The following KALRN variants were observed in gnomAD, a reference collection of about 807,000 sequenced individuals.
The protein encoded by KALRN is kalirin.
Under a neutral mutation model 353.7 loss-of-function variants are expected in KALRN, and 70 were observed. The observed-to-expected ratio is 0.20, with a 90% CI of 0.16 to 0.24. The LOEUF (loss-of-function observed/expected upper bound fraction) is 0.24. KALRN is among the 10% of genes least tolerant of loss of function. KALRN has a pLI of 1.00. For missense variants in KALRN, 2,791 were observed against 3,756.7 expected (o/e 0.74, Z 6.72); for synonymous variants, 1,391 against 1,434.8 (o/e 0.97, Z 0.69).
In KALRN at chr3:124,227,663, GTTTTTTTTTTTTTTTT is replaced by G. The variant is rs747087120; in HGVS notation, c.74-300_74-285del. 4.0e-3 allele frequency among the ~76,000 whole-genome samples: 277 copies of G among 69,174 alleles called. 1 individual carries two copies. The highest frequency in any genetic ancestry group is 5.2e-3 in the Non-Finnish European group (178 of 34,438). The allele number at this position is 69,174 out of a possible 152,430, so 45.4% of individuals were successfully genotyped here. ...CAAGTTGCTCAATAGCAACAGGGCTGTTTTTTTTTTTTTTTTTTTTTTTTTTTTTTTTTTTTTTTTT... is the reference window on the plus strand; with the variant it reads ...CAAGTTGCTCAATAGCAACAGGGCTGTTTTTTTTTTTTTTTTTTTTTTTTT... On this transcript the variant is annotated intron_variant, in intron 1 of 59. Coordinates refer to ENST00000682506, the MANE Select transcript of KALRN (RefSeq NM_001388419.1).
At chr3:124,046,589 C>A (rs1483458343) in intron 1 of KALRN, among the ~76,000 whole-genome samples, 1 of 152,154 alleles carries the variant, frequency 6.6e-6, no homozygotes, top group East Asian at 1.9e-4. Context: ...ATGTCTGGTT[C>A]TGACTCTTGC....
chr3:124,399,390 A>C, intron 13 of KALRN, among the ~76,000 whole-genome samples: 1 of 152,150 alleles, frequency 6.6e-6, no homozygotes, highest in East Asian at 1.9e-4. Flanking sequence ...CGCCTGCCTC[A>C]GCCTTCCAAA....
chr3:124,671,927 T>C, intron 48 of KALRN, 29 bp downstream of exon 48: 2 of 1,490,804 alleles, frequency 1.3e-6, no homozygotes, highest in Non-Finnish European at 1.9e-6. Flanking sequence ...CTCCCACCCT[T>C]GTCACTACGA....
intron 36 of KALRN, 122 bp downstream of exon 36, chr3:124,634,075 T>C (rs1488757710): frequency 4.2e-6 from 3 of 719,380 alleles, no homozygotes; most frequent in African/African-American, 1.8e-5. Context: ...CATGAATCCA[T>C]GTTGATACCA....
chr3:124,674,308 C>G, intron 48 of KALRN, 56 bp from the exon 49 acceptor site: 2 of 1,563,596 alleles, frequency 1.3e-6, no homozygotes, highest in Non-Finnish European at 1.7e-6. Context: ...GCAGAGCAAG[C>G]CCATGTGAAC....
At chr3:124,425,999 G>A (rs961158352) in intron 15 of KALRN, among the ~76,000 whole-genome samples, 2 of 152,220 alleles carry the variant, frequency 1.3e-5, no homozygotes, top group African/African-American at 4.8e-5. Context: ...CCGTGGGACT[G>A]TCGTTCAAGA....
chr3:124,401,956 C>T (rs1007185286), intron 13 of KALRN, among the ~76,000 whole-genome samples: 9 of 152,072 alleles, frequency 5.9e-5, no homozygotes, highest in Non-Finnish European at 1.0e-4. Context: ...TAACGAGAGG[C>T]GTGTTTATGC....
chr3:124,373,076 T>A (rs1270846169), intron 10 of KALRN, among the ~76,000 whole-genome samples: 1 of 152,090 alleles, frequency 6.6e-6, no homozygotes, highest in East Asian at 1.9e-4. Context: ...TTATCCCTCA[T>A]ACCCCTTGGC....
At chr3:124,383,518 C>T (rs1286112580) in intron 10 of KALRN, among the ~76,000 whole-genome samples, 2 of 152,146 alleles carry the variant, frequency 1.3e-5, no homozygotes, top group Non-Finnish European at 2.9e-5. Flanking sequence ...GATACATCTC[C>T]CAGTTTCTTC....
chr3:124,109,487 A>G (rs1229231100), intron 1 of KALRN, among the ~76,000 whole-genome samples: 1 of 152,028 alleles, frequency 6.6e-6, no homozygotes, highest in Non-Finnish European at 1.5e-5. Context: ...TTTTATGAAA[A>G]ATACTTTCAA....
chr3:124,053,966 G>A (rs533612150), intron 1 of KALRN, among the ~76,000 whole-genome samples: 3 of 152,346 alleles, frequency 2.0e-5, no homozygotes, highest in Admixed American at 6.5e-5. Context: ...CAAAATGGGG[G>A]GAAATCCCCA....
At chr3:124,659,257 A>G (rs182217195) in intron 42 of KALRN, 108 bp from the exon 43 acceptor site, 10 of 782,708 alleles carry the variant, frequency 1.3e-5, no homozygotes, top group African/African-American at 3.4e-5. Context: ...AGATTCTTCA[A>G]CTTCATTGGA....
chr3:124,312,158 C>CCATTT (rs908951426), intron 6 of KALRN, among the ~76,000 whole-genome samples: 2 of 152,098 alleles, frequency 1.3e-5, no homozygotes, highest in Middle Eastern at 3.2e-3. Context: ...TTATTTCATT[C>CCATTT]CATTTCATTT....
chr3:124,208,520 C>G (rs1479202192), intron 1 of KALRN, among the ~76,000 whole-genome samples: 1 of 152,186 alleles, frequency 6.6e-6, no homozygotes, highest in Non-Finnish European at 1.5e-5. Flanking sequence ...AGCTTGTGAA[C>G]AGTTGTGATA....
chr3:124,187,744 C>G (rs367602589), intron 1 of KALRN, among the ~76,000 whole-genome samples: 40 of 152,226 alleles, frequency 2.6e-4, no homozygotes, highest in East Asian at 1.7e-3. Flanking sequence ...CCAATTAAGT[C>G]TACAATGTGG....
intron 34 of KALRN, among the ~76,000 whole-genome samples, chr3:124,614,490 A>T (rs182369107): frequency 2.7e-5 from 4 of 150,918 alleles, no homozygotes; most frequent in Admixed American, 2.0e-4. Flanking sequence ...AAACTCCTAG[A>T]CTTAAGGGAT....
chr3:124,237,614 C>T (rs1416306253), intron 3 of KALRN, among the ~76,000 whole-genome samples: 3 of 152,156 alleles, frequency 2.0e-5, no homozygotes, highest in Non-Finnish European at 4.4e-5. Flanking sequence ...ACACCCACCT[C>T]AGCCTCCCAA....
chr3:124,628,260 C>T (rs1225510129), intron 34 of KALRN, among the ~76,000 whole-genome samples: 1 of 15,306 alleles, frequency 6.5e-5, no homozygotes, highest in Non-Finnish European at 1.1e-4. Flanking sequence ...TTCTTTCCTT[C>T]CCTCCTTCCC....
intron 37 of KALRN, among the ~76,000 whole-genome samples, chr3:124,638,595 T>C (rs916406461): frequency 6.6e-6 from 1 of 152,214 alleles, no homozygotes; most frequent in African/African-American, 2.4e-5. Flanking sequence ...CTTTTTTGCA[T>C]TTTTTCTTTT....
Sources: gnomAD v4.1 joint callset for allele counts (sites outside exome capture counted in the v4.1 genomes callset) on GRCh38, gnomAD v4.1.1 for gene constraint, MANE v1.5 for transcripts, NCBI Gene and HGNC (gene_info 2026-07-23, HGNC 2026-07-21) for gene names.